Variants in TENM2 observed in about 807,000 individuals in gnomAD.
The protein encoded by TENM2 is teneurin-2.
A neutral mutation model predicts 245.2 loss-of-function variants in TENM2; 52 were observed. That is an observed-to-expected ratio of 0.21 (90% CI 0.17 to 0.27). The LOEUF (loss-of-function observed/expected upper bound fraction) is 0.27. TENM2 is among the 10% of genes least tolerant of loss of function. The pLI is 1.00. For missense variants in TENM2, 3,046 were observed against 3,666.8 expected (o/e 0.83, Z 4.37); for synonymous variants, 1,363 against 1,438.9 (o/e 0.95, Z 1.19).
the TENM2 span, among the ~76,000 whole-genome samples, chr5:167,261,029 AGGACAGT>A: frequency 6.6e-6 from 1 of 152,192 alleles, no homozygotes; most frequent in Non-Finnish European, 1.5e-5. Context: ...AACTTAAATT[AGGACAGT>A]GGTTCTCAAA....
At chr5:167,451,876 C>T (rs964306149) in intron 2 of TENM2, among the ~76,000 whole-genome samples, 1 of 152,098 alleles carries the variant, frequency 6.6e-6, no homozygotes, top group Non-Finnish European at 1.5e-5. Flanking sequence ...GTCTCAATCT[C>T]CTGACCTTGT....
intron 3 of TENM2, among the ~76,000 whole-genome samples, chr5:167,909,060 T>TTC (rs1235205950): frequency 6.7e-6 from 1 of 148,728 alleles, no homozygotes; most frequent in Non-Finnish European, 1.5e-5. Context: ...TCGTTTTCTT[T>TTC]TCTCTCTCTT....
chr5:167,452,899 G>A (rs1204558031), intron 2 of TENM2, among the ~76,000 whole-genome samples: 4 of 103,578 alleles, frequency 3.9e-5, no homozygotes, highest in African/African-American at 1.1e-4. Flanking sequence ...CTTGCACGTT[G>A]TACACATGTA....
intron 2 of TENM2, among the ~76,000 whole-genome samples, chr5:167,803,943 A>C (rs952328821): frequency 6.6e-6 from 1 of 152,146 alleles, no homozygotes; most frequent in Non-Finnish European, 1.5e-5. Flanking sequence ...TTGGTTGAGC[A>C]TCCTGAATCT....
At chr5:167,928,495 G>A (rs1360234556) in intron 3 of TENM2, among the ~76,000 whole-genome samples, 1 of 152,158 alleles carries the variant, frequency 6.6e-6, no homozygotes, top group Non-Finnish European at 1.5e-5. Flanking sequence ...TCTCAAAATT[G>A]CATCCAATGG....
At chr5:168,230,641 A>G (rs138062003) in intron 25 of TENM2, among the ~76,000 whole-genome samples, 6 of 152,142 alleles carry the variant, frequency 3.9e-5, no homozygotes, top group African/African-American at 9.6e-5. Flanking sequence ...CTATCTATCT[A>G]TCTTAGTCTT....
At chr5:167,201,857 C>T in the TENM2 span, among the ~76,000 whole-genome samples, 2 of 152,178 alleles carry the variant, frequency 1.3e-5, no homozygotes, top group African/African-American at 2.4e-5. Flanking sequence ...TTTCCTTTCT[C>T]TCTCCACTGT....
rs72824965 is a variant in TENM2, at chr5:167,988,393, C to T, written c.948-4551C>T. On this transcript the variant is annotated intron_variant, in intron 4 of 28. Coordinates refer to ENST00000518659, the Ensembl canonical transcript of TENM2. ...AAACTTTATTGAAATTCAGTTCTAA[C>T]GATGGGGACAGACAATAAGTAATAT... 5.9e-3 allele frequency among the ~76,000 whole-genome samples: 890 copies of T among 152,106 alleles called. 3 individuals carry two copies. Among genetic ancestry groups the T allele is most frequent in the Non-Finnish European group, 9.2e-3 (629 of 68,014 alleles).
At chr5:167,638,093 GTGT>G (rs1779327776) in intron 2 of TENM2, among the ~76,000 whole-genome samples, 3 of 382 alleles carry the variant, frequency 7.9e-3, no homozygotes, top group East Asian at 0.12. Context: ...CAGGGCAGGT[GTGT>G]GTGTGTGTGT....
chr5:167,749,207 A>G (rs1307638634), intron 2 of TENM2, among the ~76,000 whole-genome samples: 2 of 152,212 alleles, frequency 1.3e-5, no homozygotes, highest in Non-Finnish European at 2.9e-5. Context: ...AGACTATACA[A>G]GGCATTATAC....
At chr5:167,232,673 A>AATT in the TENM2 span, among the ~76,000 whole-genome samples, 6 of 152,168 alleles carry the variant, frequency 3.9e-5, no homozygotes, top group Non-Finnish European at 8.8e-5. Context: ...GCCCAGCCTA[A>AATT]ACCTCTTTTC....
At chr5:167,258,215 G>GTATATATATGTGTATATATATA in the TENM2 span, among the ~76,000 whole-genome samples, 7 of 122,890 alleles carry the variant, frequency 5.7e-5, no homozygotes, top group African/African-American at 2.2e-4. Context: ...ATATATATAT[G>GTATATATATGTGTATATATATA]TATATATATA....
the TENM2 span, among the ~76,000 whole-genome samples, chr5:167,201,163 C>A: frequency 6.6e-6 from 1 of 152,094 alleles, no homozygotes; most frequent in African/African-American, 2.4e-5. Flanking sequence ...GACTTTCTAG[C>A]CAGATTTGTT....
chr5:167,850,034 C>A (rs1770429376), intron 2 of TENM2, among the ~76,000 whole-genome samples: 1 of 152,192 alleles, frequency 6.6e-6, no homozygotes, highest in South Asian at 2.1e-4. Context: ...TCTCTCCTCG[C>A]TGGAGGATGG....
chr5:168,235,116 C>T (rs1765310606), intron 25 of TENM2, among the ~76,000 whole-genome samples: 1 of 152,210 alleles, frequency 6.6e-6, no homozygotes, highest in East Asian at 1.9e-4. Context: ...TCTGTTAACA[C>T]ACACAAGTCA....
the TENM2 span, among the ~76,000 whole-genome samples, chr5:167,218,157 T>C: frequency 1.3e-5 from 2 of 152,222 alleles, no homozygotes; most frequent in East Asian, 1.9e-4. Context: ...TATTGACTTG[T>C]TGTGACTTGC....
intron 2 of TENM2, among the ~76,000 whole-genome samples, chr5:167,534,316 A>G (rs1771706835): frequency 6.6e-6 from 1 of 152,156 alleles, no homozygotes; most frequent in Non-Finnish European, 1.5e-5. Flanking sequence ...GGAGACAAGA[A>G]TGCTCCCTTT....
At chr5:167,532,688 ATGTG>A (rs1771587265) in intron 2 of TENM2, among the ~76,000 whole-genome samples, 1 of 151,560 alleles carries the variant, frequency 6.6e-6, no homozygotes, top group African/African-American at 2.4e-5. Context: ...TATCTCCTAT[ATGTG>A]TATATATACA....
chr5:167,482,592 C>T (rs1441087298), intron 2 of TENM2, among the ~76,000 whole-genome samples: 1 of 152,132 alleles, frequency 6.6e-6, no homozygotes, highest in Non-Finnish European at 1.5e-5. Context: ...ATCAACACAT[C>T]CTTTTGGGTA....
Sources: allele counts gnomAD v4.1 joint callset (sites outside exome capture counted in the v4.1 genomes callset), GRCh38; gene constraint gnomAD v4.1.1; transcripts MANE v1.5; gene names NCBI Gene and HGNC (gene_info 2026-07-23, HGNC 2026-07-21).